SLC6A16: variants seen among roughly 807,000 people sequenced by gnomAD.
SLC6A16 encodes the protein solute carrier family 6 member 16.
A neutral mutation model predicts 65.4 loss-of-function variants in SLC6A16; 54 were observed. The ratio of observed to expected loss-of-function variants is 0.83; its 90% confidence interval spans 0.66 to 1.04. The LOEUF is 1.04. Ranked by LOEUF, SLC6A16 falls within the 50% of genes least tolerant of loss-of-function variation. SLC6A16 has a pLI of 0.00. For synonymous variants in SLC6A16, 330 were observed against 346.5 expected, an observed-to-expected ratio of 0.95 and a Z score of 0.53; for missense variants, 816 against 914.0, an observed-to-expected ratio of 0.89 and a Z score of 1.38.
intron 1 of SLC6A16, among the ~76,000 whole-genome samples, chr19:49,312,021 C>T (rs1301406370): frequency 4.0e-5 from 6 of 150,844 alleles, no homozygotes; most frequent in Non-Finnish European, 5.9e-5. Context: ...GGATTACAGG[C>T]GCCCACTACC....
rs34817563 is a variant in SLC6A16 at position 49,290,363 on chromosome 19, C to T, written c.1971G>A (p.Pro657=). The change falls in exon 12 of 12, where the codon CCG becomes CCA. Residue 657 remains proline, a synonymous_variant. Coordinates refer to ENST00000335875, the MANE Select transcript of SLC6A16 (RefSeq NM_014037.3). ...TSKEVLRPYP[P]WALLLMITLF... ...GGGTGATCATCAAGAGCAGTGCCCA[C>T]GGTGGGTATGGTCGAAGCACCTCTT... 5,214 of 1,613,564 alleles carry T rather than the reference C, an allele frequency of 3.2e-3. 134 individuals are homozygous for T. In the African/African-American group the frequency reaches 0.061, roughly 19 times the overall value.
In SLC6A16 at chr19:49,309,649, A is replaced by G. The variant is rs775511427; in HGVS notation, c.876+2T>C. On this transcript the variant is annotated splice_donor_variant, in intron 5 of 11. Coordinates refer to ENST00000335875, the MANE Select transcript of SLC6A16 (RefSeq NM_014037.3). LOFTEE classifies it high-confidence loss of function. ...TCAAGGAATCCAATACTGGTGGCTC[A>G]CCTTCCCAGTGGACTTGAGCCCATT... 6.2e-7 allele frequency: 1 copy of G among 1,611,656 alleles called. No individual in the cohort carries two copies. The highest frequency in any genetic ancestry group is 8.5e-7 in the Non-Finnish European group (1 of 1,177,968).
Position 49,293,890 on chromosome 19 carries a change from C to T in SLC6A16, c.1555G>A (p.Gly519Ser), listed in dbSNP as rs1321475223. 7.4e-6 allele frequency: 12 copies of T among 1,613,850 alleles called. No individual in the cohort carries two copies. Among genetic ancestry groups the T allele is most frequent in the Middle Eastern group, 3.3e-4 (2 of 6,062 alleles). ...GTGTCCTGGAGTGGAGTAATGATGC[C>T]CTGCATAATCCCTATTGCGCTGCTC... ...GLSSAIGIMQ[G>S]IITPLQDTFS... The change falls in exon 9 of 12, where the codon GGC becomes AGC. Residue 519 changes from glycine to serine, a missense_variant. By Grantham distance (56) the Gly-to-Ser change is moderately conservative. Coordinates refer to ENST00000335875, the MANE Select transcript of SLC6A16 (RefSeq NM_014037.3).
intron 4 of SLC6A16, 106 bp from the exon 5 acceptor site, chr19:49,309,932 C>CCTTCTT: frequency 1.4e-6 from 2 of 1,431,800 alleles, no homozygotes; most frequent in South Asian, 2.5e-5. Flanking sequence ...ATTTCTTTTT[C>CCTTCTT]CTTCTTCTTC....
chr19:49,294,603 T>C, intron 7 of SLC6A16, 50 bp from the exon 8 acceptor site: 1 of 1,441,904 alleles, frequency 6.9e-7, no homozygotes. Flanking sequence ...CAGTAGGAGA[T>C]AGTCTCCTTT....
chr19:49,311,197 C>CTA lies in SLC6A16; in HGVS notation c.150_151insTA (p.Val51Ter), dbSNP rs1970514483. The stretch of plus-strand genomic sequence containing the variant: ...GCCTCTGCAACCCGGGCTGCTGAAA[C>CTA]TTGGGCCTCTGAGGTCCAAGATGTT... On this transcript the variant is annotated frameshift_variant, in exon 2 of 12. Transcript: ENST00000335875. LOFTEE classifies it high-confidence loss of function. 6.2e-7 allele frequency: 1 copy of CTA among 1,614,154 alleles called. No homozygotes were observed. Among genetic ancestry groups the CTA allele is most frequent in the Non-Finnish European group, 8.5e-7 (1 of 1,180,024 alleles).
chr19:49,309,220 G>T (rs896579751), intron 6 of SLC6A16, 81 bp downstream of exon 6: 1 of 1,579,972 alleles, frequency 6.3e-7, no homozygotes, highest in Non-Finnish European at 8.7e-7. Context: ...CAAAAGTAAA[G>T]AATGGGGAAA....
the SLC6A16 span, chr19:49,336,545 G>A: frequency 1.0e-3 from 210 of 200,450 alleles, 1 homozygote; most frequent in African/African-American, 3.8e-3. Context: ...GGGACAGAGC[G>A]AGGCTCCAAC....
At chr19:49,323,068 T>G (rs1263994994) in intron 1 of SLC6A16, among the ~76,000 whole-genome samples, 1 of 151,736 alleles carries the variant, frequency 6.6e-6, no homozygotes, top group South Asian at 2.1e-4. Flanking sequence ...CCAGAAACAA[T>G]GTATGGAAAA....
intron 1 of SLC6A16, among the ~76,000 whole-genome samples, chr19:49,314,425 ATG>A (rs1353187829): frequency 6.6e-6 from 1 of 152,212 alleles, no homozygotes; most frequent in African/African-American, 2.4e-5. Context: ...CACATGAAAT[ATG>A]TACAGTTTTT....
At chr19:49,334,642 G>A in the SLC6A16 span, among the ~76,000 whole-genome samples, 1 of 149,960 alleles carries the variant, frequency 6.7e-6, no homozygotes, top group African/African-American at 2.5e-5. Flanking sequence ...ACCAGCCTGG[G>A]CAACCTAGTG....
At chr19:49,339,825 C>T in the SLC6A16 span, 13 of 1,340,762 alleles carry the variant, frequency 9.7e-6, no homozygotes, top group Admixed American at 1.3e-4. The surrounding 1 kb of genome is among the most constrained non-coding windows in gnomAD (Gnocchi z 4.5). Context: ...TGGCGGGTGC[C>T]TGCCCCAACT....
chr19:49,338,894 A>C, the SLC6A16 span: 1 of 1,614,132 alleles, frequency 6.2e-7, no homozygotes, highest in Non-Finnish European at 8.5e-7. This position sits in a 1 kb window ranked among gnomAD's most constrained non-coding sequence, Gnocchi z 5.0. Flanking sequence ...GACACAGTGC[A>C]GACATCTGCG....
chr19:49,301,898 T>TGTGCCTGCACACAGCC (rs1213998375), intron 7 of SLC6A16, among the ~76,000 whole-genome samples: 1 of 152,186 alleles, frequency 6.6e-6, no homozygotes, highest in African/African-American at 2.4e-5. Flanking sequence ...CTACCATGCA[T>TGTGCCTGCACACAGCC]GTGCCTGCAC....
chr19:49,324,988 C>T (rs1970775930), intron 1 of SLC6A16, 60 bp downstream of exon 1: 2 of 970,162 alleles, frequency 2.1e-6, no homozygotes, highest in Non-Finnish European at 2.5e-6. Flanking sequence ...AAAATGGCGC[C>T]CAGCCCCACA....
chr19:49,337,200 C>T, the SLC6A16 span: 257 of 1,614,172 alleles, frequency 1.6e-4, no homozygotes, highest in Non-Finnish European at 2.0e-4. Context: ...TGGGAATCCT[C>T]ATCTCCACTC....
intron 1 of SLC6A16, among the ~76,000 whole-genome samples, chr19:49,321,377 G>A (rs1301196512): frequency 1.3e-5 from 2 of 151,798 alleles, no homozygotes; most frequent in Admixed American, 6.6e-5. Context: ...GGCTGGGCAT[G>A]GTGACTCATG....
At chr19:49,290,530 G>A (rs537197356) in intron 11 of SLC6A16, 75 bp downstream of exon 11, 32 of 1,578,040 alleles carry the variant, frequency 2.0e-5, no homozygotes, top group Non-Finnish European at 2.6e-5. Flanking sequence ...AGATGACTGG[G>A]TTCTTTCACC....
At chr19:49,290,437 G>A (rs200239666) in intron 11 of SLC6A16, 45 bp from the exon 12 acceptor site, 5 of 1,589,730 alleles carry the variant, frequency 3.1e-6, no homozygotes, top group Non-Finnish European at 4.3e-6. Flanking sequence ...AAATCCCCAA[G>A]AGAAAAGGAA....
Sources: gnomAD v4.1 joint callset for allele counts (sites outside exome capture counted in the v4.1 genomes callset) on GRCh38, gnomAD v4.1.1 for gene constraint, Gnocchi (gnomAD v3.1) non-coding constraint, MANE v1.5 for transcripts, NCBI Gene and HGNC (gene_info 2026-07-23, HGNC 2026-07-21) for gene names.